The following DMD variants were observed in gnomAD, a reference collection of about 807,000 sequenced individuals.
DMD encodes the protein dystrophin.
DMD carries 63 observed loss-of-function variants against 330.1 expected under a neutral mutation model. The observed-to-expected ratio is 0.19, with a 90% CI of 0.16 to 0.24. DMD has a LOEUF of 0.24. Ranked by LOEUF, DMD falls within the 10% of genes least tolerant of loss-of-function variation. The probability of loss-of-function intolerance (pLI) is 1.00; values close to 1 mark genes in which losing one functional copy is unlikely to be tolerated. For synonymous variants in DMD, 1,223 were observed against 959.8 expected (o/e 1.27, Z -5.07); for missense variants, 3,344 against 2,684.1 (o/e 1.25, Z -5.43).
chrX:31,201,054 C>T (rs949173407), intron 67 of DMD, among the ~76,000 whole-genome samples: 2 of 110,753 alleles, frequency 1.8e-5, no homozygotes, highest in African/African-American at 3.3e-5. Flanking sequence ...GGCTGGATGC[C>T]GTGGCTCACG....
intron 39 of DMD, among the ~76,000 whole-genome samples, chrX:32,344,253 A>G (rs751067909): frequency 8.8e-4 from 99 of 111,976 alleles, no homozygotes; most frequent in African/African-American, 3.1e-3. Flanking sequence ...AAAATAATAA[A>G]TATCAGGGAA....
intron 50 of DMD, among the ~76,000 whole-genome samples, chrX:31,814,668 G>A (rs2092572448): frequency 9.0e-6 from 1 of 110,630 alleles, no homozygotes; most frequent in Non-Finnish European, 1.9e-5. Flanking sequence ...ATGCTAAATC[G>A]GGTATTGTAG....
At chrX:33,197,401 G>A (rs781622351) in intron 1 of DMD, among the ~76,000 whole-genome samples, 6 of 111,342 alleles carry the variant, frequency 5.4e-5, no homozygotes, top group East Asian at 2.8e-4. Context: ...GAGCTTATTC[G>A]GGCTTTACCA....
intron 44 of DMD, among the ~76,000 whole-genome samples, chrX:32,076,504 C>G (rs1233515293): frequency 9.2e-6 from 1 of 108,267 alleles, no homozygotes; most frequent in Non-Finnish European, 1.9e-5. Flanking sequence ...CTCAGCCTCC[C>G]GAGTAGCTGG....
intron 44 of DMD, among the ~76,000 whole-genome samples, chrX:31,991,351 C>T (rs1009956027): frequency 1.8e-5 from 2 of 110,591 alleles, no homozygotes; most frequent in Admixed American, 9.7e-5. Flanking sequence ...GCAATTACAA[C>T]GTAAGGTACT....
upstream of DMD, among the ~76,000 whole-genome samples, chrX:33,214,296 A>G (rs971682897): frequency 3.6e-5 from 4 of 111,451 alleles, no homozygotes; most frequent in African/African-American, 1.3e-4. Context: ...ATAATTTACC[A>G]TATAAATTTT....
chrX:32,314,207 C>A (rs1013318100), intron 41 of DMD, among the ~76,000 whole-genome samples: 1 of 111,279 alleles, frequency 9.0e-6, no homozygotes, highest in African/African-American at 3.3e-5. Context: ...ATATATAGAC[C>A]AACGGAACAG....
At chrX:31,190,034 T>G (rs1171071449) in intron 67 of DMD, among the ~76,000 whole-genome samples, 1 of 112,282 alleles carries the variant, frequency 8.9e-6, no homozygotes, top group Non-Finnish European at 1.9e-5. Flanking sequence ...AAATTCACAC[T>G]TGGGGCCCTT....
At chrX:32,323,901 GAACT>G (rs1464315530) in intron 41 of DMD, among the ~76,000 whole-genome samples, 1 of 111,345 alleles carries the variant, frequency 9.0e-6, no homozygotes, top group African/African-American at 3.3e-5. Flanking sequence ...ATCTAAAGAT[GAACT>G]ATCTATCATT....
intron 51 of DMD, among the ~76,000 whole-genome samples, chrX:31,773,244 A>G (rs2090446366): frequency 8.9e-6 from 1 of 112,220 alleles, no homozygotes. Flanking sequence ...TCACAAATAT[A>G]AAAGATATAT....
At chrX:31,690,012 A>C (rs769802202) in intron 52 of DMD, among the ~76,000 whole-genome samples, 17 of 112,235 alleles carry the variant, frequency 1.5e-4, no homozygotes, top group African/African-American at 5.2e-4. Context: ...AAACCATAAA[A>C]ACCCTAGAAG....
chrX:32,405,330 G>A (rs752960980), intron 30 of DMD, among the ~76,000 whole-genome samples: 30 of 111,355 alleles, frequency 2.7e-4, no homozygotes, highest in African/African-American at 9.4e-4. Flanking sequence ...AACAGTAAAT[G>A]ACTAAATTTG....
intron 55 of DMD, among the ~76,000 whole-genome samples, chrX:31,605,300 CA>C (rs1233059532): frequency 8.9e-6 from 1 of 111,746 alleles, no homozygotes; most frequent in Non-Finnish European, 1.9e-5. Context: ...GAGATCTTAA[CA>C]AGATCACATA....
chrX:32,592,875 C>T (rs1162329708), intron 13 of DMD, among the ~76,000 whole-genome samples: 5 of 112,612 alleles, frequency 4.4e-5, no homozygotes, highest in Non-Finnish European at 9.4e-5. Context: ...GACATTGGTG[C>T]CTGCAGCAGA....
At chrX:33,219,798 T>A (rs1304421777) in intron 1 of DMD, among the ~76,000 whole-genome samples, 1 of 111,590 alleles carries the variant, frequency 9.0e-6, no homozygotes, top group Non-Finnish European at 1.9e-5. Flanking sequence ...GAGCTGAGAA[T>A]CAGTAACATG....
chrX:33,131,352 C>T (rs1603337318), intron 1 of DMD, among the ~76,000 whole-genome samples: 1 of 111,485 alleles, frequency 9.0e-6, no homozygotes, highest in African/African-American at 3.3e-5. Context: ...AAATCAGAGT[C>T]TCTAGAAATG....
chrX:32,149,622 G>A (rs1386754572), intron 44 of DMD, among the ~76,000 whole-genome samples: 1 of 111,748 alleles, frequency 8.9e-6, no homozygotes, highest in Non-Finnish European at 1.9e-5. Flanking sequence ...TGAAGAATGT[G>A]TTGTAATGGA....
Position 31,478,275 on chromosome X carries a change from G to C in DMD, c.8768C>G (p.Ala2923Gly), listed in dbSNP as rs1171983817. The change falls in exon 59 of 79, where the codon GCT becomes GGT. Residue 2923 changes from alanine to glycine, a missense_variant. By Grantham distance (60) the Ala-to-Gly change is moderately conservative. Coordinates refer to ENST00000357033, the MANE Select transcript of DMD (RefSeq NM_004006.3). ...TEWEKLNLHS[A>G]DWQRKIDETL... ...CTCATCTATTTTTCTCTGCCAGTCA[G>C]CGGAGTGCAGGTTCAATTTTTCCCA... The C allele has an allele frequency of 2.5e-6, 3 of 1,209,342 alleles. No homozygotes were observed. Among genetic ancestry groups the C allele is most frequent in the Admixed American group, 4.4e-5 (2 of 45,590 alleles).
intron 49 of DMD, among the ~76,000 whole-genome samples, chrX:31,822,653 G>GGTGTGTGTGTGTGTGTGT (rs1556919105): frequency 0.056 from 3,686 of 65,649 alleles, 232 homozygotes; most frequent in East Asian, 0.065. Flanking sequence ...AAGGCAGAGG[G>GGTGTGTGTGTGTGTGTGT]GTGTGTGTGT....
Sources: gnomAD v4.1 joint callset for allele counts (sites outside exome capture counted in the v4.1 genomes callset) on GRCh38, gnomAD v4.1.1 for gene constraint, MANE v1.5 for transcripts, NCBI Gene and HGNC (gene_info 2026-07-23, HGNC 2026-07-21) for gene names.